LMAN1: variants seen among roughly 807,000 people sequenced by gnomAD.
LMAN1 encodes the protein protein ERGIC-53.
In LMAN1, 32 loss-of-function variants were observed where a neutral mutation model predicts 67.8. The observed-to-expected ratio is 0.47, with a 90% confidence interval of 0.36 to 0.63. The LOEUF is 0.63. Among genes scored for constraint, LMAN1 ranks in the 30% least tolerant of loss-of-function variants. LMAN1 has a pLI of 0.00. For synonymous variants in LMAN1, 235 were observed against 219.3 expected (o/e 1.07, Z -0.63); for missense variants, 632 against 628.2 (o/e 1.01, Z -0.06).
At chr18:59,354,731 T>C in intron 3 of LMAN1, 151 bp from the exon 4 acceptor site, 1 of 546,690 alleles carries the variant, frequency 1.8e-6, no homozygotes. Flanking sequence ...TTACTAAAGT[T>C]CTTTAAATTG....
At position 59,347,591 on chromosome 18, in the gene LMAN1, A is replaced by C; in HGVS notation, c.764-20T>G. The C allele has an allele frequency of 6.7e-7, 1 of 1,502,942 alleles. No individual in the cohort carries two copies. Among genetic ancestry groups the C allele is most frequent in the Non-Finnish European group, 9.2e-7 (1 of 1,088,170 alleles). The allele number at this position is 1,502,942 out of a possible 1,614,324, so 93.1% of individuals were successfully genotyped here. A position where few individuals can be genotyped will look rare whatever the true frequency, so the allele number is the denominator to read the frequency against. ...GGTCATCTACAAATTAAAAAAAAAAAAGTCTGAAAAAGTTCCATAGGAGAT... is the reference window on the plus strand; with the variant it reads ...GGTCATCTACAAATTAAAAAAAAAACAGTCTGAAAAAGTTCCATAGGAGAT... On this transcript the variant is annotated intron_variant, in intron 6 of 12. Coordinates refer to ENST00000251047, the MANE Select transcript of LMAN1 (RefSeq NM_005570.4).
At chr18:59,353,449 C>CT (rs1263551806) in intron 4 of LMAN1, 148 bp from the exon 5 acceptor site, 4 of 662,630 alleles carry the variant, frequency 6.0e-6, no homozygotes, top group Non-Finnish European at 1.1e-5. Context: ...CTACATGAGA[C>CT]TAAGGCAGTG....
At chr18:59,339,789 C>T (rs1417963059) in intron 8 of LMAN1, among the ~76,000 whole-genome samples, 3 of 152,146 alleles carry the variant, frequency 2.0e-5, no homozygotes. Context: ...GATACTGAGA[C>T]ATGAGTAGAC....
At position 59,353,309 on chromosome 18, in the gene LMAN1, G is replaced by A. The variant is rs977087120; in HGVS notation, c.540-8C>T. 2.5e-6 allele frequency: 4 copies of A among 1,598,994 alleles called. No individual in the cohort carries two copies. In the Admixed American group the frequency reaches 5.0e-5, roughly 20 times the overall value. On this transcript the variant is annotated splice_region_variant and splice_polypyrimidine_tract_variant and intron_variant, in intron 4 of 12. Transcript: ENST00000251047. ...GCTTGACTAGCCCCGTCACTATAGTGTAAGGGGGAGGAAAACAGACAAGAC... is the reference window on the plus strand; with the variant it reads ...GCTTGACTAGCCCCGTCACTATAGTATAAGGGGGAGGAAAACAGACAAGAC...
chr18:59,354,162 TTAA>T (rs1463498969), intron 4 of LMAN1, among the ~76,000 whole-genome samples: 3 of 152,162 alleles, frequency 2.0e-5, no homozygotes, highest in African/African-American at 7.2e-5. Context: ...ATCATCAGCC[TTAA>T]TAATCAAGGC....
At chr18:59,345,457 C>T (rs919805319) in intron 8 of LMAN1, among the ~76,000 whole-genome samples, 23 of 152,168 alleles carry the variant, frequency 1.5e-4, no homozygotes, top group African/African-American at 4.6e-4. Context: ...ACTTTCACAA[C>T]AGTTTTGATA....
At position 59,359,201 on chromosome 18, in the gene LMAN1, G is replaced by A. The variant is rs764320531; in HGVS notation, c.44C>T (p.Pro15Leu). 91 of 1,613,872 alleles carry A rather than the reference G, an allele frequency of 5.6e-5. No homozygotes were observed. The highest frequency in any genetic ancestry group is 7.4e-5 in the Non-Finnish European group (87 of 1,179,922). The change falls in exon 1 of 13, where the codon CCG becomes CTG. Residue 15 changes from proline (P) to leucine (L), a missense_variant. Transcript: ENST00000251047. The stretch of plus-strand genomic sequence containing the variant: ...TGACAGCAGCAAGGCGCAGAACAGC[G>A]GCCGAACTCTGGCCCGGAGACCCCT... Reference protein sequence around the residue: ...RQRGLRARVRPLFCALLLSLG... With the variant: ...RQRGLRARVRLLFCALLLSLG...
intron 5 of LMAN1, chr18:59,351,467 C>T (rs1238144950): frequency 6.6e-6 from 1 of 152,154 alleles, no homozygotes; most frequent in Non-Finnish European, 1.5e-5. Flanking sequence ...CGTGTCCAGC[C>T]AGTCTCTTCA....
At chr18:59,333,851 GA>G (rs71336336) in intron 10 of LMAN1, among the ~76,000 whole-genome samples, 1,309 of 119,600 alleles carry the variant, frequency 0.011, 12 homozygotes, top group South Asian at 0.036. Context: ...TTTACCAAAA[GA>G]AAAAAAAAAA....
At chr18:59,358,592 T>C (rs1453872902) in intron 1 of LMAN1, among the ~76,000 whole-genome samples, 1 of 129,826 alleles carries the variant, frequency 7.7e-6, no homozygotes, top group South Asian at 2.4e-4. Flanking sequence ...GGGTGGGGGG[T>C]GGAAGCGGGA....
chr18:59,332,209 C>CACACAGT (rs1476987327), intron 11 of LMAN1, among the ~76,000 whole-genome samples: 50 of 152,134 alleles, frequency 3.3e-4, no homozygotes, highest in Non-Finnish European at 6.6e-4. Flanking sequence ...TAAATTGATA[C>CACACAGT]ACACAGTATC....
intron 10 of LMAN1, among the ~76,000 whole-genome samples, chr18:59,337,446 G>A (rs1284116616): frequency 6.6e-6 from 1 of 152,072 alleles, no homozygotes; most frequent in African/African-American, 2.4e-5. Flanking sequence ...TAATTTAGTT[G>A]ATTGAATTGT....
chr18:59,329,761 G>C lies in LMAN1; in HGVS notation c.*1332C>G, dbSNP rs779423308. 4 of 152,048 alleles carry C rather than the reference G, an allele frequency of 2.6e-5. No homozygotes were observed. Among genetic ancestry groups the C allele is most frequent in the African/African-American group, 4.8e-5 (2 of 41,412 alleles). 9.4% of individuals were successfully genotyped at this position (152,048 alleles called of 1,614,324 possible). A position where few individuals can be genotyped will look rare whatever the true frequency, so the allele number is the denominator to read the frequency against. On this transcript the variant is annotated 3_prime_UTR_variant, in exon 13 of 13. Transcript: ENST00000251047. ...GACATTTGAGAGCAAACCTAGGGAG[G>C]CTTGGAATAATTCAACAGTACTATT...
Position 59,330,801 on chromosome 18 carries a change from T to C in LMAN1, c.*292A>G. 1 of 384,152 alleles carries C rather than the reference T, an allele frequency of 2.6e-6. No homozygotes were observed. The highest frequency in any genetic ancestry group is 2.1e-5 in the African/African-American group (1 of 47,914). The allele number at this position is 384,152 out of a possible 1,614,324, so 23.8% of individuals were successfully genotyped here. On this transcript the variant is annotated 3_prime_UTR_variant, in exon 13 of 13. Coordinates refer to ENST00000251047, the MANE Select transcript of LMAN1 (RefSeq NM_005570.4). ...GGAGACTTAGGGGGTAACATTCATA[T>C]CCAGGGGTTGCCCCCACTTTATTTA...
chr18:59,332,020 C>G (rs183077415), intron 11 of LMAN1, among the ~76,000 whole-genome samples: 6 of 152,262 alleles, frequency 3.9e-5, no homozygotes, highest in Non-Finnish European at 8.8e-5. Context: ...TCATATCATT[C>G]AACATTATTC....
chr18:59,337,085 G>T (rs1214482419), intron 10 of LMAN1, among the ~76,000 whole-genome samples: 1 of 150,684 alleles, frequency 6.6e-6, no homozygotes, highest in Non-Finnish European at 1.5e-5. Flanking sequence ...CTTTAAAGTA[G>T]AGATAGCAAT....
chr18:59,356,383 G>A (rs1371256970), intron 1 of LMAN1, among the ~76,000 whole-genome samples: 1 of 152,098 alleles, frequency 6.6e-6, no homozygotes, highest in African/African-American at 2.4e-5. Context: ...TCCATTTCTT[G>A]AACAGCCTCA....
rs759495490 is a variant in LMAN1 at position 59,331,424 on chromosome 18, A to G, written c.1490T>C (p.Met497Thr). Reference protein sequence around the residue: ...VQTVLFIGYIMYRSQQEAAAK... With the variant: ...VQTVLFIGYITYRSQQEAAAK... ...ATTTTATCAAGAGACTTACCTATAC[A>G]TGATATAACCAATGAATAATACAGT... The change falls in exon 12 of 13, where the codon ATG becomes ACG. Residue 497 changes from methionine to threonine, a missense_variant. Coordinates refer to ENST00000251047, the MANE Select transcript of LMAN1 (RefSeq NM_005570.4). The G allele has an allele frequency of 1.4e-5, 23 of 1,606,914 alleles. No individual in the cohort carries two copies. Among genetic ancestry groups the G allele is most frequent in the Middle Eastern group, 1.6e-4 (1 of 6,062 alleles).
chr18:59,328,206 TTCAAG>T lies in LMAN1; in HGVS notation c.*2882_*2886del, dbSNP rs1294934857. On this transcript the variant is annotated 3_prime_UTR_variant, in exon 13 of 13. Transcript: ENST00000251047. ...ATGCAGTGAGGCAGGCAATCCCTTG[TTCAAG>T]TCATTTCTGTTTTCCCTAAGTTATC... The T allele has an allele frequency of 1.2e-4, 19 of 152,226 alleles. No individual in the cohort carries two copies. Among genetic ancestry groups the T allele is most frequent in the Admixed American group, 1.2e-3 (19 of 15,284 alleles). The allele number at this position is 152,226 out of a possible 1,614,324, so 9.4% of individuals were successfully genotyped here.
Sources: gnomAD v4.1 joint callset for allele counts (sites outside exome capture counted in the v4.1 genomes callset) on GRCh38, gnomAD v4.1.1 for gene constraint, MANE v1.5 for transcripts, NCBI Gene and HGNC (gene_info 2026-07-23, HGNC 2026-07-21) for gene names.